Variants in SORCS1 observed in about 807,000 individuals in gnomAD.
SORCS1 encodes sortilin related VPS10 domain containing receptor 1, also known as VPS10 domain-containing receptor SorCS1.
SORCS1 carries 60 observed loss-of-function variants against 146.1 expected under a neutral mutation model. That is an observed-to-expected ratio of 0.41 (90% CI 0.33 to 0.51). The LOEUF is 0.51. Among genes scored for constraint, SORCS1 ranks in the 20% least tolerant of loss-of-function variants. The pLI, the probability that SORCS1 is intolerant of heterozygous loss-of-function variation, is 0.21. For synonymous variants in SORCS1, 637 were observed against 584.0 expected (o/e 1.09, Z -1.31); for missense variants, 1,352 against 1,487.6 (o/e 0.91, Z 1.50).
chr10:106,965,554 T>C (rs2139123822), intron 1 of SORCS1, among the ~76,000 whole-genome samples: 1 of 152,320 alleles, frequency 6.6e-6, no homozygotes, highest in Non-Finnish European at 1.5e-5. Context: ...GTCTACTCTG[T>C]GTGCCAGATA....
intron 7 of SORCS1, 72 bp from the exon 8 acceptor site, chr10:106,706,706 G>C: frequency 7.2e-7 from 1 of 1,393,470 alleles, no homozygotes; most frequent in Non-Finnish European, 1.0e-6. Context: ...ACAGTCACCT[G>C]AATGGAAGGA....
chr10:107,174,351 G>A, the SORCS1 span, among the ~76,000 whole-genome samples: 3 of 152,014 alleles, frequency 2.0e-5, no homozygotes, highest in Admixed American at 6.6e-5. Context: ...GACTACAGGC[G>A]CCCGCCACCA....
intron 2 of SORCS1, among the ~76,000 whole-genome samples, chr10:106,856,570 T>C (rs945686468): frequency 1.3e-5 from 2 of 152,208 alleles, no homozygotes; most frequent in East Asian, 1.9e-4. Context: ...TAAGACAGAA[T>C]GCTCTGGCGT....
At chr10:106,890,924 T>C (rs749240835) in intron 2 of SORCS1, among the ~76,000 whole-genome samples, 1 of 152,158 alleles carries the variant, frequency 6.6e-6, no homozygotes, top group Non-Finnish European at 1.5e-5. Context: ...TCGATTCTAC[T>C]TTATAGTAAC....
intron 1 of SORCS1, among the ~76,000 whole-genome samples, chr10:106,993,829 T>A (rs766798105): frequency 2.6e-5 from 4 of 152,072 alleles, no homozygotes; most frequent in Non-Finnish European, 5.9e-5. Flanking sequence ...ATCCCTACAC[T>A]TTGGGAGGCT....
At chr10:106,603,146 T>C (rs1438090715) in intron 23 of SORCS1, among the ~76,000 whole-genome samples, 1 of 152,146 alleles carries the variant, frequency 6.6e-6, no homozygotes, top group Non-Finnish European at 1.5e-5. Flanking sequence ...CGATAGAGCA[T>C]GGCGGTCTTT....
At chr10:107,139,995 G>C (rs940137265) in intron 1 of SORCS1, among the ~76,000 whole-genome samples, 8 of 152,150 alleles carry the variant, frequency 5.3e-5, no homozygotes, top group African/African-American at 9.7e-5. Context: ...CTCAAACCCA[G>C]GTTCATGGGC....
chr10:107,175,448 CTTTCTTTT>C, the SORCS1 span, among the ~76,000 whole-genome samples: 1 of 152,000 alleles, frequency 6.6e-6, no homozygotes, highest in South Asian at 2.1e-4. Context: ...TTCTTTCTTT[CTTTCTTTT>C]AGATGGAATC....
chr10:106,824,293 CAAAA>C (rs71025559), intron 3 of SORCS1, among the ~76,000 whole-genome samples: 1 of 104,730 alleles, frequency 9.5e-6, no homozygotes. Flanking sequence ...GACTCTATCT[CAAAA>C]AAAAAAAAAA....
chr10:106,818,369 A>AC (rs1947846274), intron 3 of SORCS1, among the ~76,000 whole-genome samples: 1 of 143,348 alleles, frequency 7.0e-6, no homozygotes, highest in Admixed American at 7.0e-5. Context: ...GGTCATGAGG[A>AC]TTTTTTTTTT....
chr10:107,126,051 C>A (rs1451573281), intron 1 of SORCS1, among the ~76,000 whole-genome samples: 1 of 152,120 alleles, frequency 6.6e-6, no homozygotes, highest in Admixed American at 6.5e-5. Flanking sequence ...TATTTAAGGT[C>A]AATTTATCTC....
At chr10:106,732,030 A>T (rs1258697023) in intron 5 of SORCS1, among the ~76,000 whole-genome samples, 2 of 152,170 alleles carry the variant, frequency 1.3e-5, no homozygotes, top group Non-Finnish European at 2.9e-5. Flanking sequence ...ACTTACTTAA[A>T]CTCATTTTTC....
At position 106,575,537 on chromosome 10, in the gene SORCS1, T is replaced by C. The variant is rs11192963; in HGVS notation, c.*1883A>G. 0.059 allele frequency: 9,052 copies of C among 152,320 alleles called. 610 individuals are homozygous for C. Among genetic ancestry groups the C allele is most frequent in the East Asian group, 0.25 (1,283 of 5,164 alleles). 9.4% of individuals were successfully genotyped at this position (152,320 alleles called of 1,614,324 possible). A position where few individuals can be genotyped will look rare whatever the true frequency, so the allele number is the denominator to read the frequency against. On this transcript the variant is annotated 3_prime_UTR_variant, in exon 26 of 26. Coordinates refer to ENST00000263054, the MANE Select transcript of SORCS1 (RefSeq NM_052918.5). The stretch of plus-strand genomic sequence containing the variant: ...TCCATAATACTAAAGGGGCCTCTGC[T>C]GAACAGGCTTTTGTTTCCCTCTTTC...
At chr10:107,165,292 A>AGTGTGTGTGTGTGTGTGTGTGT (rs3982278), upstream of SORCS1, among the ~76,000 whole-genome samples, 115 of 142,790 alleles carry the variant, frequency 8.1e-4, 1 homozygote, top group African/African-American at 2.9e-3. This position sits in a 1 kb window ranked among gnomAD's most constrained non-coding sequence, Gnocchi z 4.0. Flanking sequence ...CTCGTGTGTG[A>AGTGTGTGTGTGTGTGTGTGTGT]GTGTGTGTGT....
upstream of SORCS1, among the ~76,000 whole-genome samples, chr10:107,169,301 C>G (rs1164407795): frequency 6.6e-6 from 1 of 152,138 alleles, no homozygotes; most frequent in Non-Finnish European, 1.5e-5. Context: ...TGAAGAACCA[C>G]AGAAAGAAAA....
intron 1 of SORCS1, among the ~76,000 whole-genome samples, chr10:107,138,458 T>C (rs1200205279): frequency 6.6e-6 from 1 of 152,192 alleles, no homozygotes; most frequent in East Asian, 1.9e-4. Context: ...CCTTGCTTGC[T>C]CCAACCCTCA....
At chr10:107,093,440 C>T (rs148863864) in intron 1 of SORCS1, among the ~76,000 whole-genome samples, 7,028 of 152,122 alleles carry the variant, frequency 0.046, 508 homozygotes, top group African/African-American at 0.16. Context: ...TTTGGGAGGC[C>T]GAGGAGGGCA....
chr10:106,973,675 T>G (rs1480051722), intron 1 of SORCS1, among the ~76,000 whole-genome samples: 1 of 152,108 alleles, frequency 6.6e-6, no homozygotes, highest in Non-Finnish European at 1.5e-5. Context: ...TTCCTTCCAT[T>G]TTTTTCCCCC....
At chr10:107,071,231 G>T (rs1403489854) in intron 1 of SORCS1, among the ~76,000 whole-genome samples, 1 of 151,994 alleles carries the variant, frequency 6.6e-6, no homozygotes, top group East Asian at 1.9e-4. Flanking sequence ...TTTTTAAGTG[G>T]TTGTTTTTAT....
Sources: gnomAD v4.1 joint callset for allele counts (sites outside exome capture counted in the v4.1 genomes callset) on GRCh38, gnomAD v4.1.1 for gene constraint, Gnocchi (gnomAD v3.1) non-coding constraint, MANE v1.5 for transcripts, NCBI Gene and HGNC (gene_info 2026-07-23, HGNC 2026-07-21) for gene names.